The following PCOLCE2 variants were observed in gnomAD, a reference collection of about 807,000 sequenced individuals.
PCOLCE2 encodes the protein procollagen C-proteinase enhancer 2.
PCOLCE2 carries 42 observed loss-of-function variants against 47.0 expected under a neutral mutation model. The observed-to-expected ratio is 0.89, with a 90% CI of 0.70 to 1.16. The LOEUF (loss-of-function observed/expected upper bound fraction) is 1.16, where lower values mean the gene tolerates loss of function less well. Among genes scored for constraint, PCOLCE2 ranks in the 50% most tolerant of loss-of-function variants. The probability of loss-of-function intolerance (pLI) is 0.00; values close to 1 mark genes in which losing one functional copy is unlikely to be tolerated. For synonymous variants in PCOLCE2, 169 were observed against 191.7 expected (o/e 0.88, Z 0.98); for missense variants, 500 against 526.1 (o/e 0.95, Z 0.49).
intron 6 of PCOLCE2, among the ~76,000 whole-genome samples, chr3:142,826,183 T>G (rs1937074840): frequency 6.6e-6 from 1 of 151,934 alleles, no homozygotes; most frequent in Non-Finnish European, 1.5e-5. Context: ...TTTTTTGTAT[T>G]TTTTTAGTAG....
In PCOLCE2 at chr3:142,842,889, A is replaced by G; in HGVS notation, c.573+35T>C. The G allele has an allele frequency of 6.2e-7, 1 of 1,611,966 alleles. No individual in the cohort carries two copies. The highest frequency in any genetic ancestry group is 1.1e-5 in the South Asian group (1 of 90,828). On this transcript the variant is annotated intron_variant, in intron 4 of 8. Transcript: ENST00000295992. The surrounding 1 kb of genome is among the most constrained non-coding windows in gnomAD (Gnocchi z 4.1). ...GCCCCCCACACTGGGCAATTCACAC[A>G]TGCATGCTTTCTTCACACTTCCAGG...
chr3:142,845,304 C>T (rs886149258), intron 3 of PCOLCE2, among the ~76,000 whole-genome samples: 3 of 152,156 alleles, frequency 2.0e-5, no homozygotes, highest in African/African-American at 7.2e-5. Flanking sequence ...TATGTATGTG[C>T]AACAGTGTAA....
At chr3:142,876,554 T>C (rs1441846296) in intron 2 of PCOLCE2, among the ~76,000 whole-genome samples, 1 of 152,198 alleles carries the variant, frequency 6.6e-6, no homozygotes, top group African/African-American at 2.4e-5. Flanking sequence ...TGGTCTCAGC[T>C]GGATGGTTCT....
chr3:142,863,096 CAAAAAAAAAAAAA>C (rs35383176), intron 2 of PCOLCE2, among the ~76,000 whole-genome samples: 43 of 85,998 alleles, frequency 5.0e-4, no homozygotes, highest in African/African-American at 1.8e-3. Context: ...GTCTGGCAGG[CAAAAAAAAAAAAA>C]AAAAAAAAAA....
chr3:142,848,538 CACTT>C, intron 2 of PCOLCE2, 66 bp from the exon 3 acceptor site: 1 of 1,353,480 alleles, frequency 7.4e-7, no homozygotes, highest in Non-Finnish European at 1.0e-6. Context: ...GACATCTAGT[CACTT>C]ACTTAAGTGT....
At chr3:142,853,139 C>A (rs10935471) in intron 2 of PCOLCE2, among the ~76,000 whole-genome samples, 7 of 150,218 alleles carry the variant, frequency 4.7e-5, no homozygotes, top group Admixed American at 4.0e-4. Context: ...ATAATGTTTA[C>A]ATATCACTCC....
chr3:142,827,322 A>G, intron 6 of PCOLCE2: 1 of 1,396,204 alleles, frequency 7.2e-7, no homozygotes, highest in Admixed American at 1.7e-5. Flanking sequence ...TAGGCTTGGC[A>G]AGCCTTCAAG....
chr3:142,835,146 G>C (rs1165096196), intron 5 of PCOLCE2, among the ~76,000 whole-genome samples: 3 of 152,038 alleles, frequency 2.0e-5, no homozygotes, highest in African/African-American at 7.2e-5. Flanking sequence ...CTCATTAACA[G>C]TTAGTTAATC....
chr3:142,879,290 G>T (rs6789387), intron 2 of PCOLCE2, among the ~76,000 whole-genome samples: 18,954 of 151,864 alleles, frequency 0.12, 2,249 homozygotes, highest in African/African-American at 0.31. Context: ...TTTCATGTTT[G>T]CTCATTTTCT....
At chr3:142,841,193 TAGA>T (rs1233495663) in intron 4 of PCOLCE2, among the ~76,000 whole-genome samples, 1 of 152,116 alleles carries the variant, frequency 6.6e-6, no homozygotes, top group Non-Finnish European at 1.5e-5. Context: ...AATTCTTTAA[TAGA>T]AGAAAATTCC....
chr3:142,821,377 C>G (rs1937012669), intron 7 of PCOLCE2, among the ~76,000 whole-genome samples: 4 of 152,278 alleles, frequency 2.6e-5, no homozygotes, highest in Admixed American at 2.6e-4. Context: ...GCTTATGAGG[C>G]TCTACCTGTG....
chr3:142,848,617 T>C (rs1937355963), intron 2 of PCOLCE2, 145 bp from the exon 3 acceptor site: 1 of 675,234 alleles, frequency 1.5e-6, no homozygotes, highest in Admixed American at 3.2e-5. Context: ...CAAGGGAAGT[T>C]TTCTAGCATA....
chr3:142,853,952 G>A (rs1408311648), intron 2 of PCOLCE2, among the ~76,000 whole-genome samples: 3 of 152,220 alleles, frequency 2.0e-5, no homozygotes, highest in Admixed American at 6.5e-5. Context: ...ACAGCTCCTG[G>A]GATGTCCTCA....
chr3:142,889,020 G>C lies in PCOLCE2; in HGVS notation c.-124C>G. 3.6e-6 allele frequency: 1 copy of C among 279,306 alleles called. No individual in the cohort carries two copies. Among genetic ancestry groups the C allele is most frequent in the Non-Finnish European group, 6.8e-6 (1 of 147,876 alleles). The allele number at this position is 279,306 out of a possible 1,614,324, so 17.3% of individuals were successfully genotyped here. A position where few individuals can be genotyped will look rare whatever the true frequency, so the allele number is the denominator to read the frequency against. On this transcript the variant is annotated 5_prime_UTR_variant, in exon 1 of 9. Coordinates refer to ENST00000295992, the MANE Select transcript of PCOLCE2 (RefSeq NM_013363.4). The stretch of plus-strand genomic sequence containing the variant: ...CAGCGCTGGCTCACACCGGCGCTCG[G>C]CTGCCCGCGCGCTCCCTCTCACGCG...
intron 5 of PCOLCE2, among the ~76,000 whole-genome samples, chr3:142,836,435 G>A (rs1365809604): frequency 2.0e-5 from 3 of 152,182 alleles, no homozygotes; most frequent in Non-Finnish European, 4.4e-5. Context: ...CATGCCCCGG[G>A]GGAGCTGCCA....
At position 142,888,834 on chromosome 3, in the gene PCOLCE2, C is replaced by T; in HGVS notation, c.63G>A (p.Ser21=). ...GTTACCTCTCTGGGGACTGCTGCCG[C>T]GAGAGCTGGGTGGCGGCAGCCAGCA... is the stretch of plus-strand genomic sequence containing the variant. ...CLLLAAATQL[S]RQQSPERPVF... is the part of the protein sequence containing the mutation. Residue 21 remains serine, a synonymous_variant, in exon 1 of 9, where the codon TCG becomes TCA. Coordinates refer to ENST00000295992, the MANE Select transcript of PCOLCE2 (RefSeq NM_013363.4). 1.9e-6 allele frequency: 3 copies of T among 1,544,308 alleles called. No individual in the cohort carries two copies. Among genetic ancestry groups the T allele is most frequent in the Non-Finnish European group, 2.6e-6 (3 of 1,148,060 alleles).
intron 7 of PCOLCE2, among the ~76,000 whole-genome samples, chr3:142,821,780 C>T (rs996813224): frequency 6.6e-6 from 1 of 151,348 alleles, no homozygotes; most frequent in Non-Finnish European, 1.5e-5. Context: ...CATGACACTC[C>T]GAGAAAAGAG....
At chr3:142,885,086 G>A (rs114482231) in intron 2 of PCOLCE2, among the ~76,000 whole-genome samples, 159 of 152,284 alleles carry the variant, frequency 1.0e-3, no homozygotes, top group African/African-American at 3.5e-3. Flanking sequence ...CTGTACTTTC[G>A]CATCAGAAAG....
chr3:142,873,640 A>C (rs1933441507), intron 2 of PCOLCE2, among the ~76,000 whole-genome samples: 1 of 152,206 alleles, frequency 6.6e-6, no homozygotes, highest in Non-Finnish European at 1.5e-5. Flanking sequence ...GAAAGCACAT[A>C]GGAGCTTCAG....
Sources: gnomAD v4.1 joint callset for allele counts (sites outside exome capture counted in the v4.1 genomes callset) on GRCh38, gnomAD v4.1.1 for gene constraint, Gnocchi (gnomAD v3.1) non-coding constraint, MANE v1.5 for transcripts, NCBI Gene and HGNC (gene_info 2026-07-23, HGNC 2026-07-21) for gene names.